Variants in MSR1 observed in about 807,000 individuals in gnomAD.
The protein encoded by MSR1 is macrophage scavenger receptor types I and II.
A neutral mutation model predicts 47.2 loss-of-function variants in MSR1; 53 were observed. That is an observed-to-expected ratio of 1.12 (90% CI 0.90 to 1.41). MSR1 has a LOEUF of 1.41. Among genes scored for constraint, MSR1 ranks in the 40% most tolerant of loss-of-function variants. MSR1 has a pLI of 0.00. For missense variants in MSR1, 786 were observed against 546.9 expected, an observed-to-expected ratio of 1.44 and a Z score of -4.36; for synonymous variants, 239 against 185.6, an observed-to-expected ratio of 1.29 and a Z score of -2.34.
intron 4 of MSR1, among the ~76,000 whole-genome samples, chr8:16,166,115 A>G (rs999525402): frequency 2.0e-5 from 3 of 150,508 alleles, no homozygotes; most frequent in African/African-American, 4.9e-5. Flanking sequence ...GAAACGAGGA[A>G]TCATCCAGGT....
At chr8:16,184,131 T>A (rs1186918328) in intron 1 of MSR1, among the ~76,000 whole-genome samples, 1 of 151,686 alleles carries the variant, frequency 6.6e-6, no homozygotes, top group Non-Finnish European at 1.5e-5. Context: ...CAACATTTAT[T>A]TTTCACCTTA....
intron 7 of MSR1, among the ~76,000 whole-genome samples, chr8:16,143,954 G>C (rs187850924): frequency 7.6e-4 from 115 of 152,164 alleles, no homozygotes; most frequent in African/African-American, 2.2e-3. Context: ...GAAGTCCAGT[G>C]CCTTCCATGA....
chr8:16,135,531 T>A (rs13253693), intron 8 of MSR1, among the ~76,000 whole-genome samples: 3 of 151,934 alleles, frequency 2.0e-5, no homozygotes, highest in Non-Finnish European at 4.4e-5. Flanking sequence ...CTGATGGAGA[T>A]GGACAGAAAG....
intron 8 of MSR1, among the ~76,000 whole-genome samples, 190 bp downstream of exon 8, chr8:16,143,368 G>C (rs1376059041): frequency 2.6e-5 from 4 of 152,044 alleles, no homozygotes; most frequent in Non-Finnish European, 5.9e-5. Context: ...GATTGAAAGA[G>C]TTGTATAATA....
rs115382969 is a variant in MSR1 at position 16,144,444 on chromosome 8, A to T, written c.980-833T>A. 1.2e-3 allele frequency among the ~76,000 whole-genome samples: 182 copies of T among 152,226 alleles called. 2 individuals carry two copies. The highest frequency in any genetic ancestry group is 4.2e-3 in the African/African-American group (173 of 41,560). On this transcript the variant is annotated intron_variant, in intron 7 of 9. Transcript: ENST00000262101. ...AACTGATCCTAGTGCTCTCTGTCTC[A>T]AAGTCAAAACCTTTGTTAATGTTTT...
At chr8:16,129,218 T>C (rs75863984) in intron 8 of MSR1, among the ~76,000 whole-genome samples, 2,401 of 152,206 alleles carry the variant, frequency 0.016, 37 homozygotes, top group Non-Finnish European at 0.025. Flanking sequence ...AAATGGGTCA[T>C]TTTGCTAAAT....
intron 1 of MSR1, among the ~76,000 whole-genome samples, chr8:16,179,212 G>A (rs1801751473): frequency 6.6e-6 from 1 of 152,096 alleles, no homozygotes. Context: ...TAAAAGGAAG[G>A]AAATAAAGAA....
intron 6 of MSR1, among the ~76,000 whole-genome samples, chr8:16,153,307 A>T (rs1264544851): frequency 1.3e-5 from 2 of 152,196 alleles, no homozygotes; most frequent in South Asian, 2.1e-4. Context: ...AGAAACGAAC[A>T]GAATGCAGCA....
At chr8:16,135,506 G>A (rs919638982) in intron 8 of MSR1, among the ~76,000 whole-genome samples, 1 of 152,050 alleles carries the variant, frequency 6.6e-6, no homozygotes, top group African/African-American at 2.4e-5. Context: ...GAGTGCACCT[G>A]GTCACCCAAG....
intron 1 of MSR1, among the ~76,000 whole-genome samples, chr8:16,182,656 A>C (rs188969582): frequency 2.0e-5 from 3 of 151,960 alleles, no homozygotes; most frequent in African/African-American, 7.3e-5. Flanking sequence ...GGTCAGGCTC[A>C]TCAATGCCAC....
At chr8:16,142,126 C>T (rs533057485) in intron 8 of MSR1, among the ~76,000 whole-genome samples, 114 of 151,938 alleles carry the variant, frequency 7.5e-4, no homozygotes, top group African/African-American at 2.6e-3. Context: ...GTCAGGGGAT[C>T]GAGACCAGCC....
In MSR1 at chr8:16,155,103, T is replaced by C; in HGVS notation, c.859A>G (p.Thr287Ala). The C allele has an allele frequency of 1.2e-6, 2 of 1,612,322 alleles. No homozygotes were observed. The change falls in exon 6 of 10, where the codon ACT becomes GCT. Residue 287 changes from threonine to alanine, a missense_variant. Transcript: ENST00000262101. ...PPGEKGDRGP[T>A]GESGPRGFPG... ...AATCCTCGTGGACCACTTTCTCCAG[T>C]GGGACCTCGATCTCCTTTTTCACCC...
chr8:16,112,555 T>A (rs548601347), intron 9 of MSR1, among the ~76,000 whole-genome samples: 1 of 152,236 alleles, frequency 6.6e-6, no homozygotes, highest in South Asian at 2.1e-4. Flanking sequence ...TTAATACACA[T>A]TTTCCGTCTC....
chr8:16,150,913 A>G (rs756755057), intron 6 of MSR1, among the ~76,000 whole-genome samples: 1 of 151,584 alleles, frequency 6.6e-6, no homozygotes, highest in Non-Finnish European at 1.5e-5. Context: ...ACTTATGAGT[A>G]TGTACTATAT....
At chr8:16,151,127 T>C (rs1378829573) in intron 6 of MSR1, among the ~76,000 whole-genome samples, 1 of 152,050 alleles carries the variant, frequency 6.6e-6, no homozygotes, top group Non-Finnish European at 1.5e-5. Context: ...TCATTATCAA[T>C]TCAGAGAGAA....
chr8:16,120,761 G>A, intron 8 of MSR1, 155 bp from the exon 9 acceptor site: 1 of 951,176 alleles, frequency 1.1e-6, no homozygotes. Flanking sequence ...AAACTTTCTA[G>A]CACCACCTAT....
chr8:16,176,696 A>T (rs1337756029), intron 2 of MSR1, among the ~76,000 whole-genome samples: 1 of 152,162 alleles, frequency 6.6e-6, no homozygotes, highest in Non-Finnish European at 1.5e-5. Flanking sequence ...TACCTTTTAA[A>T]TAGCTCTCAA....
At chr8:16,191,219 T>C (rs909925754) in intron 1 of MSR1, among the ~76,000 whole-genome samples, 14 of 152,192 alleles carry the variant, frequency 9.2e-5, no homozygotes, top group African/African-American at 3.4e-4. Context: ...CAGATTTTAG[T>C]AAGAAATGGA....
chr8:16,117,323 G>C (rs1799899492), intron 9 of MSR1, among the ~76,000 whole-genome samples: 1 of 152,150 alleles, frequency 6.6e-6, no homozygotes, highest in Admixed American at 6.6e-5. Flanking sequence ...ATGATCTGAG[G>C]TGGGGCTGCA....
Sources: allele counts gnomAD v4.1 joint callset (sites outside exome capture counted in the v4.1 genomes callset), GRCh38; gene constraint gnomAD v4.1.1; transcripts MANE v1.5; gene names NCBI Gene and HGNC (gene_info 2026-07-23, HGNC 2026-07-21).